Variants in CDKL3 observed in about 807,000 individuals in gnomAD.
The protein encoded by CDKL3 is cyclin dependent kinase like 3.
CDKL3 carries 65 observed loss-of-function variants against 69.3 expected under a neutral mutation model. The ratio of observed to expected loss-of-function variants is 0.94; its 90% CI spans 0.77 to 1.15. The LOEUF (loss-of-function observed/expected upper bound fraction) is 1.15. CDKL3 is among the 50% of genes most tolerant of loss of function. CDKL3 has a pLI of 0.00. For missense variants in CDKL3, 652 were observed against 689.2 expected (o/e 0.95, Z 0.61); for synonymous variants, 202 against 221.6 (o/e 0.91, Z 0.79).
intron 2 of CDKL3, among the ~76,000 whole-genome samples, chr5:134,362,274 CT>C (rs1756227936): frequency 6.6e-6 from 1 of 152,198 alleles, no homozygotes; most frequent in Non-Finnish European, 1.5e-5. Flanking sequence ...AATCCCAGCA[CT>C]TTGGTAGGCC....
intron 1 of CDKL3, 87 bp from the exon 2 acceptor site, chr5:134,366,631 AC>A (rs1757503204): frequency 1.2e-6 from 1 of 817,732 alleles, no homozygotes; most frequent in African/African-American, 1.8e-5. Context: ...TCCACAATAA[AC>A]CCACAGTCTC....
chr5:134,330,007 C>T (rs1210651904), intron 4 of CDKL3, among the ~76,000 whole-genome samples: 1 of 145,434 alleles, frequency 6.9e-6, no homozygotes, highest in Non-Finnish European at 1.5e-5. Flanking sequence ...GAGACCCTGT[C>T]TCAAAAAAAA....
chr5:134,307,914 C>T, intron 9 of CDKL3: 1 of 562,646 alleles, frequency 1.8e-6, no homozygotes, highest in Non-Finnish European at 2.7e-6. Context: ...TAAGGTTTTT[C>T]AAGAAGACAT....
At chr5:134,330,872 C>CTT (rs58135789) in intron 4 of CDKL3, among the ~76,000 whole-genome samples, 23,588 of 152,130 alleles carry the variant, frequency 0.16, 2,346 homozygotes, top group African/African-American at 0.28. Flanking sequence ...TGACTGGACT[C>CTT]TTGCTTTGAC....
intron 4 of CDKL3, among the ~76,000 whole-genome samples, chr5:134,347,545 A>T (rs921697804): frequency 2.0e-5 from 3 of 152,044 alleles, no homozygotes; most frequent in Non-Finnish European, 4.4e-5. Context: ...AGCTCTATCC[A>T]TTCAGTGGAA....
At chr5:134,323,883 T>C (rs1464612449) in intron 4 of CDKL3, among the ~76,000 whole-genome samples, 3 of 152,152 alleles carry the variant, frequency 2.0e-5, no homozygotes, top group Non-Finnish European at 4.4e-5. Context: ...AAACTAAACT[T>C]TTCTGCTCCA....
At chr5:134,353,344 G>A (rs769032287) in intron 3 of CDKL3, among the ~76,000 whole-genome samples, 5 of 151,898 alleles carry the variant, frequency 3.3e-5, no homozygotes, top group Non-Finnish European at 5.9e-5. Context: ...ACTCCATAAC[G>A]CAAGCCAGAA....
At position 134,362,642 on chromosome 5, in the gene CDKL3, G is replaced by A. The variant is rs1003183651; in HGVS notation, c.166-2551C>T. ...AAATTTAAAATCCTATAAAAAGCCA[G>A]TGAGTGCCAGGTGCAGTGGCTCACA... On this transcript the variant is annotated intron_variant, in intron 2 of 12. Transcript: ENST00000265334. Among the ~76,000 whole-genome samples the A allele has an allele frequency of 2.6e-5, 4 of 152,072 alleles. No individual in the cohort carries two copies. The East Asian group carries it at 5.8e-4, about 22-fold the overall frequency.
At chr5:134,304,812 C>CAAT (rs375747445) in intron 10 of CDKL3, among the ~76,000 whole-genome samples, 18,238 of 144,072 alleles carry the variant, frequency 0.13, 1,324 homozygotes, top group Admixed American at 0.16. Flanking sequence ...ATGAGAACCA[C>CAAT]AATAATAATA....
At chr5:134,296,794 C>T (rs1298761730), downstream of CDKL3, among the ~76,000 whole-genome samples, 1 of 151,344 alleles carries the variant, frequency 6.6e-6, no homozygotes, top group Non-Finnish European at 1.5e-5. Flanking sequence ...CACACACACA[C>T]ACACACACAC....
intron 11 of CDKL3, among the ~76,000 whole-genome samples, chr5:134,303,847 TTAAA>T (rs550308231): frequency 6.6e-6 from 1 of 151,974 alleles, no homozygotes; most frequent in Admixed American, 6.6e-5. Context: ...AGACTCTGTC[TTAAA>T]TAAATAAATA....
chr5:134,311,220 G>A (rs1260063477), intron 7 of CDKL3, among the ~76,000 whole-genome samples: 1 of 152,094 alleles, frequency 6.6e-6, no homozygotes. Flanking sequence ...AACAGGCACT[G>A]CAGCCGGGCG....
chr5:134,362,692 G>A (rs1010657748), intron 2 of CDKL3, among the ~76,000 whole-genome samples: 5 of 152,140 alleles, frequency 3.3e-5, no homozygotes, highest in Admixed American at 1.3e-4. Flanking sequence ...ACTTTGGGAG[G>A]CTGAGGTGGG....
At chr5:134,310,358 T>C (rs577093823) in intron 7 of CDKL3, among the ~76,000 whole-genome samples, 84 of 151,768 alleles carry the variant, frequency 5.5e-4, no homozygotes, top group African/African-American at 2.0e-3. Context: ...ACTAATTTTG[T>C]TTTTTGTATT....
chr5:134,328,260 A>T (rs964390038), intron 4 of CDKL3, among the ~76,000 whole-genome samples: 3 of 152,216 alleles, frequency 2.0e-5, no homozygotes, highest in African/African-American at 7.2e-5. Context: ...GGAAAGCATG[A>T]TTAAAGAAGA....
chr5:134,346,293 A>C (rs566261806), intron 4 of CDKL3, among the ~76,000 whole-genome samples: 1 of 152,282 alleles, frequency 6.6e-6, no homozygotes, highest in Non-Finnish European at 1.5e-5. Context: ...CTTTTGCCCA[A>C]TCATGTTTCT....
intron 4 of CDKL3, among the ~76,000 whole-genome samples, chr5:134,346,518 C>T (rs531557026): frequency 1.8e-4 from 27 of 152,098 alleles, no homozygotes; most frequent in South Asian, 4.2e-4. Context: ...GTTTTTGAGA[C>T]GGAGTTTCGC....
downstream of CDKL3, among the ~76,000 whole-genome samples, chr5:134,286,009 T>C (rs1001196527): frequency 6.6e-6 from 1 of 152,114 alleles, no homozygotes; most frequent in African/African-American, 2.4e-5. Context: ...ATAGTCCCAG[T>C]TACTCAGGAG....
intron 9 of CDKL3, 51 bp from the exon 10 acceptor site, chr5:134,306,753 T>TA (rs1767977834): frequency 2.8e-6 from 2 of 719,434 alleles, no homozygotes; most frequent in Non-Finnish European, 3.9e-6. Flanking sequence ...AGAAATGCTT[T>TA]TTTTTTTTTT....
Sources: allele counts gnomAD v4.1 joint callset (sites outside exome capture counted in the v4.1 genomes callset), GRCh38; gene constraint gnomAD v4.1.1; transcripts MANE v1.5; gene names NCBI Gene and HGNC (gene_info 2026-07-23, HGNC 2026-07-21).